Variants in UGP2 observed in about 807,000 individuals in gnomAD.
UGP2 encodes UDP-glucose pyrophosphorylase 2, also known as UTP--glucose-1-phosphate uridylyltransferase.
A neutral mutation model predicts 49.0 loss-of-function variants in UGP2; 40 were observed. That is an observed-to-expected ratio of 0.82 (90% CI 0.63 to 1.06). The LOEUF is 1.06. UGP2 is among the 50% of genes least tolerant of loss of function. The probability of loss-of-function intolerance (pLI) is 0.00; values close to 1 mark genes in which losing one functional copy is unlikely to be tolerated. For missense variants in UGP2, 460 were observed against 603.5 expected (o/e 0.76, Z 2.49); for synonymous variants, 225 against 213.0 (o/e 1.06, Z -0.49).
chr2:63,880,839 C>G (rs747086661), intron 3 of UGP2, among the ~76,000 whole-genome samples: 1 of 152,234 alleles, frequency 6.6e-6, no homozygotes, highest in Non-Finnish European at 1.5e-5. Context: ...CCTCCCTCCT[C>G]TTCCTTGTCA....
chr2:63,889,415 G>T, intron 8 of UGP2: 1 of 152,302 alleles, frequency 6.6e-6, no homozygotes. Context: ...GAAGGGATCT[G>T]ATGAACAAAT....
intron 3 of UGP2, among the ~76,000 whole-genome samples, chr2:63,878,937 G>T (rs1671110010): frequency 6.6e-6 from 1 of 150,424 alleles, no homozygotes; most frequent in African/African-American, 2.4e-5. Context: ...TTGGAGTTCT[G>T]TTTTCTTCTG....
intron 5 of UGP2, among the ~76,000 whole-genome samples, chr2:63,885,040 C>G (rs1333529382): frequency 7.5e-5 from 1 of 13,378 alleles, no homozygotes; most frequent in Non-Finnish European, 1.6e-4. Flanking sequence ...AGATGTTTTG[C>G]CTTTATTTTC....
intron 3 of UGP2, among the ~76,000 whole-genome samples, chr2:63,876,305 A>G (rs770220225): frequency 1.2e-4 from 19 of 152,214 alleles, no homozygotes; most frequent in Non-Finnish European, 2.8e-4. Flanking sequence ...CTTTAGACAG[A>G]AAGTGTCCTG....
chr2:63,842,346 G>C, intron 1 of UGP2, 142 bp downstream of exon 1: 1 of 1,602,672 alleles, frequency 6.2e-7, no homozygotes, highest in South Asian at 1.1e-5. Flanking sequence ...ATTGTCATCT[G>C]AGCTGCCTTG....
At chr2:63,881,532 G>A (rs752354204) in intron 3 of UGP2, among the ~76,000 whole-genome samples, 5 of 152,168 alleles carry the variant, frequency 3.3e-5, no homozygotes, top group Admixed American at 6.5e-5. Context: ...CAAAATAACA[G>A]CAAACATGTC....
At chr2:63,843,459 G>A (rs1157345948) in intron 1 of UGP2, among the ~76,000 whole-genome samples, 1 of 152,196 alleles carries the variant, frequency 6.6e-6, no homozygotes. Flanking sequence ...TTACCATAAA[G>A]GCGGTATTTT....
chr2:63,855,519 T>TG (rs1558937481), intron 1 of UGP2: 10 of 218,268 alleles, frequency 4.6e-5, no homozygotes, highest in Admixed American at 2.9e-4. Flanking sequence ...TTTCTTTTTC[T>TG]GTTTTTTTTT....
At chr2:63,842,337 T>C (rs2104222732) in intron 1 of UGP2, 133 bp downstream of exon 1, 1 of 1,603,904 alleles carries the variant, frequency 6.2e-7, no homozygotes, top group Non-Finnish European at 8.5e-7. Flanking sequence ...TTTCGTTGAA[T>C]TGTCATCTGA....
intron 3 of UGP2, 64 bp downstream of exon 3, chr2:63,858,000 C>A: frequency 1.3e-6 from 2 of 1,495,458 alleles, no homozygotes; most frequent in Non-Finnish European, 1.9e-6. Flanking sequence ...TAACTTAGGA[C>A]GGTTGGGTAG....
At chr2:63,871,092 A>G (rs1434621349) in intron 3 of UGP2, among the ~76,000 whole-genome samples, 2 of 152,222 alleles carry the variant, frequency 1.3e-5, no homozygotes, top group East Asian at 3.8e-4. Flanking sequence ...TTTAAAATGT[A>G]TCCTTCAGTG....
intron 3 of UGP2, among the ~76,000 whole-genome samples, chr2:63,870,217 C>T (rs555215268): frequency 1.1e-4 from 16 of 152,166 alleles, no homozygotes; most frequent in African/African-American, 1.9e-4. Context: ...CCACCGTGCC[C>T]GCCCCTAAAA....
At chr2:63,856,893 T>C (rs1461683604) in intron 2 of UGP2, 1 of 440,506 alleles carries the variant, frequency 2.3e-6, no homozygotes, top group Non-Finnish European at 4.5e-6. Context: ...GTTAGTATTT[T>C]CATTTTTATA....
chr2:63,887,762 CTG>C, intron 8 of UGP2, 118 bp downstream of exon 8: 3 of 1,328,192 alleles, frequency 2.3e-6, no homozygotes, highest in Non-Finnish European at 3.1e-6. Context: ...TTGTATTCCT[CTG>C]TCTTTGATAC....
chr2:63,845,943 G>A (rs990667362), intron 1 of UGP2: 4 of 152,128 alleles, frequency 2.6e-5, no homozygotes, highest in Non-Finnish European at 4.4e-5. Context: ...AGAGTTCTTA[G>A]TATATATTTC....
At chr2:63,842,487 G>C in intron 1 of UGP2, 2 of 1,537,400 alleles carry the variant, frequency 1.3e-6, no homozygotes, top group Non-Finnish European at 1.7e-6. Flanking sequence ...TGATAAAACA[G>C]GATTTTTGGC....
At chr2:63,858,103 C>G in intron 3 of UGP2, 167 bp downstream of exon 3, 1 of 610,890 alleles carries the variant, frequency 1.6e-6, no homozygotes, top group Non-Finnish European at 2.8e-6. Context: ...CAGCCTTCAG[C>G]TCCTTTCCCT....
intron 8 of UGP2, chr2:63,888,788 T>G (rs900359467): frequency 1.3e-5 from 2 of 152,236 alleles, no homozygotes; most frequent in African/African-American, 4.8e-5. Flanking sequence ...CAATCCTTTT[T>G]TTCCCCTCAT....
intron 3 of UGP2, among the ~76,000 whole-genome samples, chr2:63,864,239 C>T (rs145905422): frequency 1.4e-3 from 210 of 152,118 alleles, no homozygotes; most frequent in African/African-American, 4.6e-3. Context: ...TGTCATTTTA[C>T]AAAAGAGGAA....
Sources: allele counts gnomAD v4.1 joint callset (sites outside exome capture counted in the v4.1 genomes callset), GRCh38; gene constraint gnomAD v4.1.1; transcripts MANE v1.5; gene names NCBI Gene and HGNC (gene_info 2026-07-23, HGNC 2026-07-21).